PCDHA7: variants seen among roughly 807,000 people sequenced by gnomAD.
PCDHA7 encodes the protein protocadherin alpha 7, also known as protocadherin alpha-7.
A neutral mutation model predicts 57.2 loss-of-function variants in PCDHA7; 37 were observed. That is an observed-to-expected ratio of 0.65 (90% CI 0.50 to 0.85). The LOEUF (loss-of-function observed/expected upper bound fraction) is 0.85, where lower values mean the gene tolerates loss of function less well. Ranked by LOEUF, PCDHA7 falls within the 40% of genes least tolerant of loss-of-function variation. The probability of loss-of-function intolerance (pLI) is 0.00; values close to 1 mark genes in which losing one functional copy is unlikely to be tolerated. For synonymous variants in PCDHA7, 553 were observed against 558.8 expected (o/e 0.99, Z 0.15); for missense variants, 1,188 against 1,241.8 (o/e 0.96, Z 0.65).
At chr5:140,967,609 C>T (rs1026350659) in intron 1 of PCDHA7, 26 of 1,614,056 alleles carry the variant, frequency 1.6e-5, no homozygotes, top group Middle Eastern at 1.6e-4. Flanking sequence ...AGCTGAATGC[C>T]TCAGACCCGG....
rs1195696269 is a variant in PCDHA7, at chr5:141,010,821, TTTG to T, written c.*890_*892del. ...AACCCCGACACCTCACCTTTCGCTG[TTTG>T]TTGTTTCATAGATTTATTTAAAAAA... is the stretch of plus-strand genomic sequence containing the variant. On this transcript the variant is annotated 3_prime_UTR_variant, in exon 4 of 4. Coordinates refer to ENST00000525929, the MANE Select transcript of PCDHA7 (RefSeq NM_018910.3). 3 of 153,772 alleles carry T rather than the reference TTTG, an allele frequency of 2.0e-5. No individual in the cohort carries two copies. The highest frequency in any genetic ancestry group is 4.4e-5 in the Non-Finnish European group (3 of 68,048). 9.5% of individuals were successfully genotyped at this position (153,772 alleles called of 1,614,324 possible).
At chr5:141,000,595 T>G (rs1438785385) in intron 3 of PCDHA7, among the ~76,000 whole-genome samples, 1 of 150,924 alleles carries the variant, frequency 6.6e-6, no homozygotes, top group African/African-American at 2.4e-5. Context: ...GCCCAGCTAA[T>G]TTTTGTATTT....
chr5:140,841,337 C>G (rs1424910645), intron 1 of PCDHA7: 1 of 1,610,914 alleles, frequency 6.2e-7, no homozygotes, highest in Non-Finnish European at 8.5e-7. Context: ...TTATCACTGG[C>G]GAGGAGAGCT....
chr5:140,925,641 TATAATAATA>T (rs10569930), intron 1 of PCDHA7, among the ~76,000 whole-genome samples: 3,728 of 143,338 alleles, frequency 0.026, 107 homozygotes, highest in African/African-American at 0.059. Context: ...GAACTTAAAG[TATAATAATA>T]ATAATAATAA....
chr5:140,848,048 A>G, intron 1 of PCDHA7: 1 of 161,290 alleles, frequency 6.2e-6, no homozygotes, highest in Admixed American at 5.8e-5. Context: ...GAATCATTTT[A>G]ATTGTTACTT....
At chr5:140,940,934 G>A (rs155815) in intron 1 of PCDHA7, among the ~76,000 whole-genome samples, 48,303 of 152,082 alleles carry the variant, frequency 0.32, 8,018 homozygotes, top group East Asian at 0.53. Flanking sequence ...TGGCTACTTA[G>A]ACTACGTATT....
chr5:140,881,099 C>G (rs1554171750), intron 1 of PCDHA7, among the ~76,000 whole-genome samples: 1 of 152,108 alleles, frequency 6.6e-6, no homozygotes, highest in East Asian at 1.9e-4. Flanking sequence ...TTCATTACAC[C>G]ATTTGGCCTG....
At chr5:140,931,744 C>G (rs2087714665) in intron 1 of PCDHA7, among the ~76,000 whole-genome samples, 5 of 151,904 alleles carry the variant, frequency 3.3e-5, no homozygotes, top group Admixed American at 3.3e-4. Flanking sequence ...TTGTAATTCA[C>G]AAAGGCATTT....
At chr5:140,982,192 G>A (rs1390222750) in intron 2 of PCDHA7, among the ~76,000 whole-genome samples, 4 of 152,230 alleles carry the variant, frequency 2.6e-5, no homozygotes, top group Non-Finnish European at 4.4e-5. Context: ...TGGGCTTCCT[G>A]TTAGATTTAG....
At chr5:140,872,652 T>C (rs1185435042) in intron 1 of PCDHA7, among the ~76,000 whole-genome samples, 2 of 152,142 alleles carry the variant, frequency 1.3e-5, no homozygotes, top group Non-Finnish European at 2.9e-5. Context: ...AGGCAAGAGA[T>C]TTGTCAACTA....
At position 140,856,335 on chromosome 5, in the gene PCDHA7, G is replaced by C; in HGVS notation, c.2355+19597G>C. ...CGGATTGACCGCGAGGAGCTGTGCG[G>C]GCGGAGCGTGGAGTGCAGCATCCAC... On this transcript the variant is annotated intron_variant, in intron 1 of 3. Transcript: ENST00000525929. 3 of 1,598,610 alleles carry C rather than the reference G, an allele frequency of 1.9e-6. 1 individual carries two copies. The highest frequency in any genetic ancestry group is 2.6e-6 in the Non-Finnish European group (3 of 1,168,024).
At chr5:140,854,315 C>A in intron 1 of PCDHA7, 1 of 280,416 alleles carries the variant, frequency 3.6e-6, no homozygotes, top group South Asian at 1.3e-4. Context: ...GATGATTGAT[C>A]AATGGCAAAC....
rs2150360116 is a variant in PCDHA7 at position 140,843,442 on chromosome 5, A to G, written c.2355+6704A>G. The G allele has an allele frequency of 4.5e-5, 72 of 1,596,116 alleles. 7 individuals are homozygous for G. The highest frequency in any genetic ancestry group is 1.7e-4 in the Middle Eastern group (1 of 5,982). ...ACCTGATCATCGCCATCTGCGCGGT[A>G]TCCAGCCTGCTGGTGCTCACGCTGC... On this transcript the variant is annotated intron_variant, in intron 1 of 3. Coordinates refer to ENST00000525929, the MANE Select transcript of PCDHA7 (RefSeq NM_018910.3).
intron 1 of PCDHA7, chr5:140,929,177 T>G: frequency 6.2e-7 from 1 of 1,614,172 alleles, no homozygotes; most frequent in Non-Finnish European, 8.5e-7. Flanking sequence ...TCTCTGGGAC[T>G]TGGTTCTGAT....
intron 1 of PCDHA7, among the ~76,000 whole-genome samples, chr5:140,912,002 A>T (rs1452427916): frequency 6.6e-6 from 1 of 152,236 alleles, no homozygotes; most frequent in Non-Finnish European, 1.5e-5. Flanking sequence ...ACAATAGGCC[A>T]TCTGCAAGCT....
At chr5:140,937,329 G>T (rs1406340473) in intron 1 of PCDHA7, among the ~76,000 whole-genome samples, 1 of 152,050 alleles carries the variant, frequency 6.6e-6, no homozygotes, top group Admixed American at 6.5e-5. Flanking sequence ...GAGCCACCGC[G>T]CCCGGCTTCT....
At chr5:140,847,479 A>G (rs1229726594) in intron 1 of PCDHA7, 1 of 149,940 alleles carries the variant, frequency 6.7e-6, no homozygotes, top group East Asian at 1.9e-4. Flanking sequence ...ACGTTGGAAT[A>G]AGATAGTAAA....
rs140013560 is a variant in PCDHA7 at position 140,850,963 on chromosome 5, C to A, written c.2355+14225C>A. On this transcript the variant is annotated intron_variant, in intron 1 of 3. Coordinates refer to ENST00000525929, the MANE Select transcript of PCDHA7 (RefSeq NM_018910.3). The stretch of plus-strand genomic sequence containing the variant: ...AGATATTATCGATTACTCCCAGGGG[C>A]CGTTCAAATAGTTTTATTCATTTTT... The A allele has an allele frequency of 5.0e-4, 731 of 1,472,590 alleles. 40 individuals carry two copies. The African/African-American group carries it at 9.3e-3, about 19-fold the overall frequency. The allele number at this position is 1,472,590 out of a possible 1,614,324, so 91.2% of individuals were successfully genotyped here.
At position 140,856,129 on chromosome 5, in the gene PCDHA7, C is replaced by G. The variant is rs149039484; in HGVS notation, c.2355+19391C>G. ...TCCTCGCAGCCTGGGAGGTGGGGAG[C>G]GGCCAGCTCCACTACTCAGTCTACG... On this transcript the variant is annotated intron_variant, in intron 1 of 3. Transcript: ENST00000525929. The G allele has an allele frequency of 2.3e-5, 36 of 1,597,980 alleles. 3 individuals are homozygous for G. Among genetic ancestry groups the G allele is most frequent in the African/African-American group, 2.7e-5 (2 of 74,256 alleles).
Sources: gnomAD v4.1 joint callset for allele counts (sites outside exome capture counted in the v4.1 genomes callset) on GRCh38, gnomAD v4.1.1 for gene constraint, MANE v1.5 for transcripts, NCBI Gene and HGNC (gene_info 2026-07-23, HGNC 2026-07-21) for gene names.